Variants in ZNF385D observed in about 807,000 individuals in gnomAD.
The protein encoded by ZNF385D is zinc finger protein 659.
Under a neutral mutation model 35.8 loss-of-function variants are expected in ZNF385D, and 15 were observed. The observed-to-expected ratio is 0.42, with a 90% confidence interval of 0.28 to 0.64. The LOEUF (loss-of-function observed/expected upper bound fraction) is 0.64, where lower values mean the gene tolerates loss of function less well. Ranked by LOEUF, ZNF385D falls within the 30% of genes least tolerant of loss-of-function variation. The probability of loss-of-function intolerance (pLI) is 0.23; values close to 1 mark genes in which losing one functional copy is unlikely to be tolerated. For missense variants in ZNF385D, 474 were observed against 494.6 expected (o/e 0.96, Z 0.39); for synonymous variants, 212 against 186.8 (o/e 1.13, Z -1.10).
At chr3:21,964,412 T>TAAAAAAAAAAAAA (rs60635259) in intron 3 of ZNF385D, among the ~76,000 whole-genome samples, 49 of 71,462 alleles carry the variant, frequency 6.9e-4, no homozygotes, top group Non-Finnish European at 7.7e-4. Flanking sequence ...GTCCTTTTTG[T>TAAAAAAAAAAAAA]AAAAAAAAAA....
intron 3 of ZNF385D, among the ~76,000 whole-genome samples, chr3:21,838,441 A>C (rs1298122891): frequency 1.3e-5 from 2 of 152,148 alleles, no homozygotes; most frequent in African/African-American, 4.8e-5. Flanking sequence ...GCGAATCAAC[A>C]ATGAAGAGGC....
chr3:21,989,966 C>T (rs34995962), intron 3 of ZNF385D, among the ~76,000 whole-genome samples: 50,801 of 151,970 alleles, frequency 0.33, 9,371 homozygotes, highest in Non-Finnish European at 0.42. Flanking sequence ...TTTCCAGCAC[C>T]CAAACACAAC....
At chr3:22,092,578 T>G (rs1226205468) in intron 3 of ZNF385D, among the ~76,000 whole-genome samples, 1 of 152,176 alleles carries the variant, frequency 6.6e-6, no homozygotes, top group African/African-American at 2.4e-5. Flanking sequence ...TGGATCGGTA[T>G]GGTGTGTGGA....
chr3:22,264,643 A>G (rs1414497518), intron 2 of ZNF385D, among the ~76,000 whole-genome samples: 1 of 151,978 alleles, frequency 6.6e-6, no homozygotes, highest in Non-Finnish European at 1.5e-5. Flanking sequence ...TTTACTTAAT[A>G]TGGGTCTCCC....
rs2064828536 is a variant in ZNF385D, at chr3:21,615,793, A to AGTATGTGTGTGTGTGTGT, written c.165+49092_165+49093insACACACACACACACATAC. On this transcript the variant is annotated intron_variant, in intron 2 of 7. Transcript: ENST00000281523. Reference sequence around the variant, plus strand: ...ATGACTGCAAAGAAAATGGAGAAAGAGTGTGTGTGTGTGTGTGTGTGTGTT... The same window carrying AGTATGTGTGTGTGTGTGT: ...ATGACTGCAAAGAAAATGGAGAAAGAGTATGTGTGTGTGTGTGTGTGTGTGTGTGTGTGTGTGTGTGTT... Among the ~76,000 whole-genome samples the AGTATGTGTGTGTGTGTGT allele has an allele frequency of 1.4e-5, 2 of 145,238 alleles. 1 individual carries two copies. Among genetic ancestry groups the AGTATGTGTGTGTGTGTGT allele is most frequent in the South Asian group, 4.5e-4 (2 of 4,400 alleles).
At chr3:21,870,280 C>T (rs1278720426) in intron 3 of ZNF385D, among the ~76,000 whole-genome samples, 1 of 152,104 alleles carries the variant, frequency 6.6e-6, no homozygotes, top group Non-Finnish European at 1.5e-5. Context: ...GCATTCAAGG[C>T]AGGGAATACA....
intron 3 of ZNF385D, among the ~76,000 whole-genome samples, chr3:22,083,255 C>T (rs1226753439): frequency 6.6e-6 from 1 of 152,158 alleles, no homozygotes; most frequent in Non-Finnish European, 1.5e-5. Context: ...CAGAAGTAGG[C>T]TTCAGAAGGT....
chr3:22,297,406 G>A (rs890786523), intron 2 of ZNF385D, among the ~76,000 whole-genome samples: 1 of 152,086 alleles, frequency 6.6e-6, no homozygotes, highest in African/African-American at 2.4e-5. Context: ...GAACCTGGAG[G>A]AATTCCAGGA....
intron 2 of ZNF385D, among the ~76,000 whole-genome samples, chr3:21,612,917 C>T (rs1166542143): frequency 6.6e-6 from 1 of 151,818 alleles, no homozygotes; most frequent in African/African-American, 2.4e-5. Flanking sequence ...GGTAAACACA[C>T]CCAATCTTGA....
intron 3 of ZNF385D, among the ~76,000 whole-genome samples, chr3:21,974,061 A>G (rs1437327139): frequency 6.6e-6 from 1 of 152,106 alleles, no homozygotes; most frequent in Non-Finnish European, 1.5e-5. Flanking sequence ...ACAGAAATAG[A>G]AAACATAATC....
At chr3:22,105,313 T>A (rs756018291) in intron 3 of ZNF385D, among the ~76,000 whole-genome samples, 21 of 152,006 alleles carry the variant, frequency 1.4e-4, no homozygotes, top group Non-Finnish European at 2.8e-4. Flanking sequence ...TTGCCTTTTT[T>A]TTTTCAGAGA....
intron 3 of ZNF385D, among the ~76,000 whole-genome samples, chr3:21,886,800 A>G (rs538864563): frequency 3.3e-5 from 5 of 152,224 alleles, no homozygotes; most frequent in South Asian, 2.1e-4. Flanking sequence ...TCTAATAAAG[A>G]GTTGTATATT....
chr3:21,499,271 A>G (rs1290856937), intron 4 of ZNF385D, among the ~76,000 whole-genome samples: 1 of 152,212 alleles, frequency 6.6e-6, no homozygotes, highest in Admixed American at 6.5e-5. Flanking sequence ...AATTTGGTAC[A>G]TATACACCAT....
intron 1 of ZNF385D, among the ~76,000 whole-genome samples, chr3:21,727,628 G>A (rs540228415): frequency 7.2e-5 from 11 of 152,132 alleles, no homozygotes; most frequent in African/African-American, 1.9e-4. Context: ...ACCATCTCAC[G>A]CCAGTCAGAA....
At chr3:21,428,993 T>C (rs909525563) in intron 5 of ZNF385D, among the ~76,000 whole-genome samples, 1 of 149,694 alleles carries the variant, frequency 6.7e-6, no homozygotes, top group African/African-American at 2.5e-5. Flanking sequence ...GAAAGATACA[T>C]ATTACGCTTA....
At chr3:21,449,822 C>T (rs1012655680) in intron 4 of ZNF385D, among the ~76,000 whole-genome samples, 3 of 152,110 alleles carry the variant, frequency 2.0e-5, no homozygotes, top group Non-Finnish European at 2.9e-5. Flanking sequence ...AGGTAAGAAG[C>T]CAGGCCAAGA....
intron 2 of ZNF385D, among the ~76,000 whole-genome samples, chr3:22,214,822 C>CTGGTCCTG (rs1354191500): frequency 1.3e-5 from 2 of 152,040 alleles, no homozygotes; most frequent in African/African-American, 4.8e-5. Flanking sequence ...TAATTTTGCC[C>CTGGTCCTG]TGGTCCTGTG....
intron 3 of ZNF385D, among the ~76,000 whole-genome samples, chr3:21,861,697 G>T (rs992538860): frequency 1.3e-5 from 2 of 152,102 alleles, no homozygotes; most frequent in Non-Finnish European, 2.9e-5. Flanking sequence ...TACTGTGGTT[G>T]TCTCCCCAGG....
chr3:21,715,289 C>T (rs1019071066), intron 1 of ZNF385D, among the ~76,000 whole-genome samples: 2 of 152,096 alleles, frequency 1.3e-5, no homozygotes, highest in Non-Finnish European at 2.9e-5. Flanking sequence ...ATTCCACTCT[C>T]TATACCAATG....
Sources: gnomAD v4.1 joint callset for allele counts (sites outside exome capture counted in the v4.1 genomes callset) on GRCh38, gnomAD v4.1.1 for gene constraint, MANE v1.5 for transcripts, NCBI Gene and HGNC (gene_info 2026-07-23, HGNC 2026-07-21) for gene names.